Variants in NUP205 observed in about 807,000 individuals in gnomAD.
The protein encoded by NUP205 is nuclear pore complex protein Nup205.
NUP205 carries 76 observed loss-of-function variants against 253.8 expected under a neutral mutation model. The observed-to-expected ratio is 0.30, with a 90% CI of 0.25 to 0.36. NUP205 has a LOEUF of 0.36. NUP205 is among the 10% of genes least tolerant of loss of function. The probability of loss-of-function intolerance (pLI) is 1.00; values close to 1 mark genes in which losing one functional copy is unlikely to be tolerated. For missense variants in NUP205, 2,162 were observed against 2,425.5 expected (o/e 0.89, Z 2.28); for synonymous variants, 832 against 850.1 (o/e 0.98, Z 0.37).
chr7:135,609,386 G>A (rs557023619), intron 22 of NUP205, among the ~76,000 whole-genome samples: 450 of 152,084 alleles, frequency 3.0e-3, no homozygotes, highest in Non-Finnish European at 5.0e-3. Flanking sequence ...GCTGAGGCAG[G>A]AGAATGGCGT....
chr7:135,606,117 G>A (rs1794080735), intron 19 of NUP205, 28 bp from the exon 20 acceptor site: 1 of 1,427,872 alleles, frequency 7.0e-7, no homozygotes, highest in African/African-American at 1.4e-5. Flanking sequence ...GTAATAATTT[G>A]TCATTTTTTA....
chr7:135,625,473 C>CT (rs1313496855), intron 32 of NUP205, 118 bp downstream of exon 32: 8 of 771,592 alleles, frequency 1.0e-5, no homozygotes, highest in Non-Finnish European at 1.6e-5. Flanking sequence ...AGCTGGAATC[C>CT]TTTTTTAAGG....
chr7:135,600,843 T>G, intron 15 of NUP205, 27 bp from the exon 16 acceptor site: 1 of 1,405,650 alleles, frequency 7.1e-7, no homozygotes, highest in Middle Eastern at 1.8e-4. Context: ...GTTTTATTGT[T>G]ATTGACCTAT....
intron 33 of NUP205, among the ~76,000 whole-genome samples, chr7:135,627,653 A>G (rs1794620177): frequency 6.6e-6 from 1 of 152,208 alleles, no homozygotes; most frequent in Admixed American, 6.5e-5. Flanking sequence ...TTCTTACTTA[A>G]CAGCCTATAT....
At chr7:135,564,913 C>T (rs539906970) in intron 1 of NUP205, among the ~76,000 whole-genome samples, 132 of 151,818 alleles carry the variant, frequency 8.7e-4, no homozygotes, top group Middle Eastern at 3.4e-3. Context: ...ATTACAGGTG[C>T]ACGCCACCAT....
Position 135,602,914 on chromosome 7 carries a change from A to G in NUP205, c.2622A>G (p.Leu874=), listed in dbSNP as rs776816604. 1.2e-6 allele frequency: 2 copies of G among 1,613,796 alleles called. No homozygotes were observed. Among genetic ancestry groups the G allele is most frequent in the Non-Finnish European group, 1.7e-6 (2 of 1,179,730 alleles). The change falls in exon 18 of 43, where the codon CTA becomes CTG. Residue 874 remains leucine, a synonymous_variant. Coordinates refer to ENST00000285968, the MANE Select transcript of NUP205 (RefSeq NM_015135.3). The part of the protein sequence containing the change: ...MDLLRESQLA[L]IVCPLEQLLQ... ...TTCTAAGAGAGAGTCAACTGGCTCT[A>G]ATAGTCTGTCCTTTAGAACAGCTTT...
At position 135,579,894 on chromosome 7, in the gene NUP205, C is replaced by A. The variant is rs1330056962; in HGVS notation, c.1042+979C>A. Among the ~76,000 whole-genome samples the A allele has an allele frequency of 2.0e-5, 3 of 152,222 alleles. No individual in the cohort carries two copies. The East Asian group carries it at 5.8e-4, about 29-fold the overall frequency. Reference sequence around the variant, plus strand: ...CTCCTGAGCTCAGGTGATCCACTTGCTTTGGCCTCCCAGAGTGTTGGGTTT... The same window carrying A: ...CTCCTGAGCTCAGGTGATCCACTTGATTTGGCCTCCCAGAGTGTTGGGTTT... On this transcript the variant is annotated intron_variant, in intron 7 of 42. Transcript: ENST00000285968.
chr7:135,558,153 G>A (rs144841585), intron 1 of NUP205, 181 bp downstream of exon 1: 3 of 644,302 alleles, frequency 4.7e-6, no homozygotes, highest in Non-Finnish European at 8.5e-6. Flanking sequence ...CGGTGCTGCG[G>A]CTCCAGCCCT....
chr7:135,624,197 TTTTTTTC>T (rs1794533225), intron 31 of NUP205, among the ~76,000 whole-genome samples: 1 of 152,064 alleles, frequency 6.6e-6, no homozygotes. Context: ...GTTATTACTT[TTTTTTTC>T]TTTTTTCTTT....
At chr7:135,560,144 C>T (rs1213992578) in intron 1 of NUP205, among the ~76,000 whole-genome samples, 1 of 152,090 alleles carries the variant, frequency 6.6e-6, no homozygotes, top group Non-Finnish European at 1.5e-5. Flanking sequence ...AGGTGTGAGC[C>T]ACTGCGCCTG....
At chr7:135,583,904 T>C (rs1162539856) in intron 7 of NUP205, among the ~76,000 whole-genome samples, 1 of 151,076 alleles carries the variant, frequency 6.6e-6, no homozygotes, top group East Asian at 2.0e-4. Flanking sequence ...TGCAATGGCG[T>C]GATCGTGGCT....
intron 38 of NUP205, among the ~76,000 whole-genome samples, chr7:135,641,327 G>C (rs1012265298): frequency 2.0e-5 from 3 of 152,162 alleles, no homozygotes; most frequent in African/African-American, 4.8e-5. Flanking sequence ...GTAGGAGAAG[G>C]CTCTCTATAA....
At chr7:135,576,230 G>A (rs368057758) in intron 3 of NUP205, 40 bp from the exon 4 acceptor site, 25 of 1,569,838 alleles carry the variant, frequency 1.6e-5, no homozygotes, top group Admixed American at 1.5e-4. Flanking sequence ...AAACACATAC[G>A]TGTTTATTAA....
rs776330801 is a variant in NUP205 at position 135,594,548 on chromosome 7, G to A, written c.1832G>A (p.Ser611Asn). ...LQLTSTIITW[S>N]ENARLALCEH... Reference sequence around the variant, plus strand: ...CATTCTTTTTGTGTCAATTCTTAGAGTGAAAATGCTCGCTTGGCACTCTGT... The same window carrying A: ...CATTCTTTTTGTGTCAATTCTTAGAATGAAAATGCTCGCTTGGCACTCTGT... The change falls in exon 13 of 43, where the codon AGT (serine) becomes AAT (asparagine). Residue 611 changes from serine to asparagine, a missense_variant and splice_region_variant. Coordinates refer to ENST00000285968, the MANE Select transcript of NUP205 (RefSeq NM_015135.3). 1 of 1,579,094 alleles carries A rather than the reference G, an allele frequency of 6.3e-7. No individual in the cohort carries two copies. Among genetic ancestry groups the A allele is most frequent in the Admixed American group, 2.0e-5 (1 of 50,134 alleles).
In NUP205 at chr7:135,588,131, A is replaced by T. The variant is rs566918244; in HGVS notation, c.1473+139A>T. Reference sequence around the variant, plus strand: ...TAACCTTTAGAGACTTACACTTTTTAAATTTTATTTATTTATTTATTTATG... The same window carrying T: ...TAACCTTTAGAGACTTACACTTTTTTAATTTTATTTATTTATTTATTTATG... On this transcript the variant is annotated intron_variant, in intron 10 of 42. Transcript: ENST00000285968. 4.7e-5 allele frequency: 28 copies of T among 594,398 alleles called. No homozygotes were observed. In the South Asian group the frequency reaches 1.5e-3, roughly 32 times the overall value. The allele number at this position is 594,398 out of a possible 1,614,324, so 36.8% of individuals were successfully genotyped here.
chr7:135,589,011 G>A (rs900462273), intron 10 of NUP205, among the ~76,000 whole-genome samples: 4 of 150,672 alleles, frequency 2.7e-5, no homozygotes, highest in Non-Finnish European at 4.4e-5. Flanking sequence ...AGACCCCATC[G>A]CTACAAAAAA....
At chr7:135,646,327 C>T in intron 42 of NUP205, 96 bp downstream of exon 42, 2 of 882,402 alleles carry the variant, frequency 2.3e-6, no homozygotes, top group Non-Finnish European at 3.7e-6. Flanking sequence ...TTTTGGGAGG[C>T]CGAGACGGGA....
Position 135,581,049 on chromosome 7 carries a change from T to C in NUP205, c.1042+2134T>C, listed in dbSNP as rs1806290908. 3.9e-5 allele frequency among the ~76,000 whole-genome samples: 6 copies of C among 152,264 alleles called. No individual in the cohort carries two copies. In the South Asian group the frequency reaches 1.0e-3, roughly 26 times the overall value. ...TTAGGGGTATTATAATTAGAATTTT[T>C]AAACTATAAAAATTTTTCTGTTAAT... On this transcript the variant is annotated intron_variant, in intron 7 of 42. Coordinates refer to ENST00000285968, the MANE Select transcript of NUP205 (RefSeq NM_015135.3).
At chr7:135,619,944 TG>T in intron 30 of NUP205, 56 bp downstream of exon 30, 1 of 1,156,470 alleles carries the variant, frequency 8.6e-7, no homozygotes. Context: ...TACTTTAAAT[TG>T]AAAAAAAAAA....
Sources: allele counts gnomAD v4.1 joint callset (sites outside exome capture counted in the v4.1 genomes callset), GRCh38; gene constraint gnomAD v4.1.1; transcripts MANE v1.5; gene names NCBI Gene and HGNC (gene_info 2026-07-23, HGNC 2026-07-21).